Variants in FBXO8 observed in about 807,000 individuals in gnomAD.
FBXO8 encodes the protein F-box protein 8.
In FBXO8, 15 loss-of-function variants were observed where a neutral mutation model predicts 33.4. That is an observed-to-expected ratio of 0.45 (90% CI 0.30 to 0.69). The LOEUF is 0.69. FBXO8 is among the 30% of genes least tolerant of loss of function. The pLI, the probability that FBXO8 is intolerant of heterozygous loss-of-function variation, is 0.08. For synonymous variants in FBXO8, 132 were observed against 131.5 expected, an observed-to-expected ratio of 1.00 and a Z score of -0.02; for missense variants, 274 against 380.3, an observed-to-expected ratio of 0.72 and a Z score of 2.32.
At chr4:174,280,062 C>T (rs192838308) in intron 1 of FBXO8, among the ~76,000 whole-genome samples, 4 of 152,000 alleles carry the variant, frequency 2.6e-5, no homozygotes, top group African/African-American at 7.2e-5. Flanking sequence ...AGGCAACCCA[C>T]CGAATGAGAG....
chr4:174,249,463 T>G (rs965085922), intron 3 of FBXO8, among the ~76,000 whole-genome samples: 2 of 152,048 alleles, frequency 1.3e-5, no homozygotes, highest in African/African-American at 4.8e-5. Context: ...AAATACTGGA[T>G]TTGCAATGTG....
Position 174,253,056 on chromosome 4 carries a change from T to C in FBXO8, c.456+6643A>G, listed in dbSNP as rs1736332079. On this transcript the variant is annotated intron_variant, in intron 3 of 5. Coordinates refer to ENST00000393674, the MANE Select transcript of FBXO8 (RefSeq NM_012180.3). This position sits in a 1 kb window ranked among gnomAD's most constrained non-coding sequence, Gnocchi z 4.5. Reference sequence around the variant, plus strand: ...CAAGAGATAGATTACACGGATGCCATAAAAGCATCCTTCAAGGTGAATGGA... The same window carrying C: ...CAAGAGATAGATTACACGGATGCCACAAAAGCATCCTTCAAGGTGAATGGA... Among the ~76,000 whole-genome samples, 1 of 152,148 alleles carries C rather than the reference T, an allele frequency of 6.6e-6. No individual in the cohort carries two copies. Among genetic ancestry groups the C allele is most frequent in the African/African-American group, 2.4e-5 (1 of 41,438 alleles).
rs1736941234 is a variant in FBXO8 at position 174,275,548 on chromosome 4, AC to A, written c.-9+7861del. Among the ~76,000 whole-genome samples, 1 of 152,204 alleles carries A rather than the reference AC, an allele frequency of 6.6e-6. No homozygotes were observed. Among genetic ancestry groups the A allele is most frequent in the Non-Finnish European group, 1.5e-5 (1 of 68,030 alleles). ...AAAAATCATAGAAGGATGGAAAAAA[AC>A]AAAAAAAGTTTAAAAAAGGATAGGC... is the stretch of plus-strand genomic sequence containing the variant. On this transcript the variant is annotated intron_variant, in intron 1 of 5. Coordinates refer to ENST00000393674, the MANE Select transcript of FBXO8 (RefSeq NM_012180.3). The surrounding 1 kb of genome is among the most constrained non-coding windows in gnomAD (Gnocchi z 4.4).
At chr4:174,243,220 T>C (rs180751828) in intron 3 of FBXO8, among the ~76,000 whole-genome samples, 1 of 151,380 alleles carries the variant, frequency 6.6e-6, no homozygotes, top group African/African-American at 2.4e-5. Context: ...ACCTCAGTTC[T>C]CCCAAATCAA....
In FBXO8 at chr4:174,262,106, A is replaced by C. The variant is rs1579030354; in HGVS notation, c.329+658T>G. 2.6e-5 allele frequency among the ~76,000 whole-genome samples: 4 copies of C among 152,152 alleles called. No individual in the cohort carries two copies. Among genetic ancestry groups the C allele is most frequent in the South Asian group, 2.1e-4 (1 of 4,834 alleles). On this transcript the variant is annotated intron_variant, in intron 2 of 5. Transcript: ENST00000393674. This position sits in a 1 kb window ranked among gnomAD's most constrained non-coding sequence, Gnocchi z 4.6. ...CAAATGTTCTTAGATTTGTGGTTTT[A>C]ATTCAGACTAGTACAATGTGGAAAT...
chr4:174,246,904 C>G (rs1418836865), intron 3 of FBXO8, among the ~76,000 whole-genome samples: 1 of 151,848 alleles, frequency 6.6e-6, no homozygotes, highest in Non-Finnish European at 1.5e-5. Flanking sequence ...GATTCTTGGG[C>G]AAAGTGGTGA....
At chr4:174,266,035 T>A (rs72702241) in intron 1 of FBXO8, among the ~76,000 whole-genome samples, 8,495 of 152,162 alleles carry the variant, frequency 0.056, 388 homozygotes, top group East Asian at 0.15. Flanking sequence ...TTTATAACAA[T>A]TTCAGTCTAT....
Position 174,251,240 on chromosome 4 carries a change from T to C in FBXO8, c.456+8459A>G, listed in dbSNP as rs974760284. 3.3e-5 allele frequency among the ~76,000 whole-genome samples: 5 copies of C among 152,162 alleles called. No homozygotes were observed. Among genetic ancestry groups the C allele is most frequent in the Non-Finnish European group, 7.4e-5 (5 of 68,018 alleles). On this transcript the variant is annotated intron_variant, in intron 3 of 5. Coordinates refer to ENST00000393674, the MANE Select transcript of FBXO8 (RefSeq NM_012180.3). The surrounding 1 kb of genome is among the most constrained non-coding windows in gnomAD (Gnocchi z 4.2). ...TGATACAGCAAATTAGTAGTTCCCA[T>C]AGCACACTGAATAAAACAAGAGCAA...
rs1245736562 is a variant in FBXO8, at chr4:174,254,335, T to G, written c.456+5364A>C. Among the ~76,000 whole-genome samples the G allele has an allele frequency of 1.3e-5, 2 of 152,166 alleles. No individual in the cohort carries two copies. The highest frequency in any genetic ancestry group is 4.8e-5 in the African/African-American group (2 of 41,442). ...TACCTGTAAGTTTATTCCTGAGAGATTCACTTTCAGTAGAAAGATAAAGCC... is the reference window on the plus strand; with the variant it reads ...TACCTGTAAGTTTATTCCTGAGAGAGTCACTTTCAGTAGAAAGATAAAGCC... On this transcript the variant is annotated intron_variant, in intron 3 of 5. Coordinates refer to ENST00000393674, the MANE Select transcript of FBXO8 (RefSeq NM_012180.3). This position sits in a 1 kb window ranked among gnomAD's most constrained non-coding sequence, Gnocchi z 4.2.
In FBXO8 at chr4:174,257,053, A is replaced by T. The variant is rs1383239871; in HGVS notation, c.456+2646T>A. ...TAACAAACATTTGACTTATAATTTTAAAAAATTATGTCAGATATAAAAACA... is the reference window on the plus strand; with the variant it reads ...TAACAAACATTTGACTTATAATTTTTAAAAATTATGTCAGATATAAAAACA... On this transcript the variant is annotated intron_variant, in intron 3 of 5. Transcript: ENST00000393674. The surrounding 1 kb of genome is among the most constrained non-coding windows in gnomAD (Gnocchi z 4.3). 2.6e-5 allele frequency among the ~76,000 whole-genome samples: 4 copies of T among 152,154 alleles called. No individual in the cohort carries two copies. The East Asian group carries it at 7.7e-4, about 29-fold the overall frequency.
chr4:174,264,707 C>A (rs1273468165), intron 1 of FBXO8, among the ~76,000 whole-genome samples: 1 of 151,292 alleles, frequency 6.6e-6, no homozygotes, highest in East Asian at 1.9e-4. Flanking sequence ...GAAAAGAAGG[C>A]ACAAAAGATA....
intron 1 of FBXO8, among the ~76,000 whole-genome samples, chr4:174,266,105 G>C (rs1208795344): frequency 6.6e-6 from 1 of 152,130 alleles, no homozygotes; most frequent in South Asian, 2.1e-4. Context: ...TCTTAGGCCT[G>C]TTGCTAGGGA....
Position 174,274,453 on chromosome 4 carries a change from T to A in FBXO8, c.-9+8957A>T, listed in dbSNP as rs11725521. Among the ~76,000 whole-genome samples the A allele has an allele frequency of 0.11, 16,347 of 152,250 alleles. 1,138 individuals carry two copies. Among genetic ancestry groups the A allele is most frequent in the African/African-American group, 0.19 (7,773 of 41,536 alleles). On this transcript the variant is annotated intron_variant, in intron 1 of 5. Coordinates refer to ENST00000393674, the MANE Select transcript of FBXO8 (RefSeq NM_012180.3). This position sits in a 1 kb window ranked among gnomAD's most constrained non-coding sequence, Gnocchi z 4.0. Reference sequence around the variant, plus strand: ...GTTCCTTCATTTCAAATACACCTGATAACTGTGGATTAATTACCTGAGTAG... The same window carrying A: ...GTTCCTTCATTTCAAATACACCTGAAAACTGTGGATTAATTACCTGAGTAG...
In FBXO8 at chr4:174,262,995, A is replaced by C; in HGVS notation, c.98T>G (p.Met33Arg). 6.2e-7 allele frequency: 1 copy of C among 1,614,064 alleles called. No individual in the cohort carries two copies. Among genetic ancestry groups the C allele is most frequent in the Non-Finnish European group, 8.5e-7 (1 of 1,179,934 alleles). Reference sequence around the variant, plus strand: ...GGTGTTAGAAATGTTGCTCGCAGCCATTCTCCTGCTCTGCTCTCTGGTGAG... The same window carrying C: ...GGTGTTAGAAATGTTGCTCGCAGCCCTTCTCCTGCTCTGCTCTCTGGTGAG... ...GYLTREQSRR[M>R]AASNISNTNH... is the part of the protein sequence containing the mutation. The change falls in exon 2 of 6, where the codon ATG becomes AGG. Residue 33 changes from methionine (M) to arginine (R), a missense_variant. Coordinates refer to ENST00000393674, the MANE Select transcript of FBXO8 (RefSeq NM_012180.3). This position sits in a 1 kb window ranked among gnomAD's most constrained non-coding sequence, Gnocchi z 4.6.
At position 174,245,374 on chromosome 4, in the gene FBXO8, G is replaced by C. The variant is rs1225080717; in HGVS notation, c.457-4156C>G. Among the ~76,000 whole-genome samples, 1 of 151,850 alleles carries C rather than the reference G, an allele frequency of 6.6e-6. No homozygotes were observed. The highest frequency in any genetic ancestry group is 1.5e-5 in the Non-Finnish European group (1 of 67,854). On this transcript the variant is annotated intron_variant, in intron 3 of 5. Coordinates refer to ENST00000393674, the MANE Select transcript of FBXO8 (RefSeq NM_012180.3). This position sits in a 1 kb window ranked among gnomAD's most constrained non-coding sequence, Gnocchi z 4.6. ...GAAGTATTGTAAGGGGTTTAGACAAGGAATTTAAGGGGTTTAGACAGCTCT... is the reference window on the plus strand; with the variant it reads ...GAAGTATTGTAAGGGGTTTAGACAACGAATTTAAGGGGTTTAGACAGCTCT...
rs900429513 is a variant in FBXO8, at chr4:174,263,206, C to T, written c.-8-106G>A. Reference sequence around the variant, plus strand: ...AAGCATTCATTTATCAGAATTAAAACTTCTCATTAAAACCTACTAAAACCA... The same window carrying T: ...AAGCATTCATTTATCAGAATTAAAATTTCTCATTAAAACCTACTAAAACCA... On this transcript the variant is annotated intron_variant, in intron 1 of 5. Transcript: ENST00000393674. This position sits in a 1 kb window ranked among gnomAD's most constrained non-coding sequence, Gnocchi z 4.2. The T allele has an allele frequency of 9.4e-7, 1 of 1,060,198 alleles. No homozygotes were observed. The highest frequency in any genetic ancestry group is 1.6e-5 in the African/African-American group (1 of 62,490). The allele number at this position is 1,060,198 out of a possible 1,614,324, so 65.7% of individuals were successfully genotyped here.
chr4:174,273,648 G>A (rs1736889932), intron 1 of FBXO8, among the ~76,000 whole-genome samples: 1 of 152,182 alleles, frequency 6.6e-6, no homozygotes, highest in South Asian at 2.1e-4. Flanking sequence ...CAGCAAAACA[G>A]TAACGTCTAT....
At chr4:174,249,595 C>A (rs948400994) in intron 3 of FBXO8, among the ~76,000 whole-genome samples, 4 of 151,908 alleles carry the variant, frequency 2.6e-5, no homozygotes, top group African/African-American at 9.6e-5. Flanking sequence ...AAGTAAACAA[C>A]ATTTTTAAAA....
rs368628379 is a variant in FBXO8 at position 174,268,658 on chromosome 4, C to G, written c.-8-5558G>C. Among the ~76,000 whole-genome samples, 1,484 of 152,172 alleles carry G rather than the reference C, an allele frequency of 9.8e-3. 18 individuals are homozygous for G. Among genetic ancestry groups the G allele is most frequent in the Admixed American group, 0.024 (365 of 15,290 alleles). On this transcript the variant is annotated intron_variant, in intron 1 of 5. Coordinates refer to ENST00000393674, the MANE Select transcript of FBXO8 (RefSeq NM_012180.3). ...TCACCGTGTTAGCCAGGATGGTCTC[C>G]ATCTCCTGACCTCGTGATCCGCCCG...
Sources: allele counts gnomAD v4.1 joint callset (sites outside exome capture counted in the v4.1 genomes callset), GRCh38; gene constraint gnomAD v4.1.1; non-coding constraint Gnocchi (gnomAD v3.1); transcripts MANE v1.5; gene names NCBI Gene and HGNC (gene_info 2026-07-23, HGNC 2026-07-21).